Variants in CSMD1 observed in about 807,000 individuals in gnomAD.
CSMD1 encodes the protein CUB and sushi domain-containing protein 1.
Under a neutral mutation model 417.5 loss-of-function variants are expected in CSMD1, and 213 were observed. That is an observed-to-expected ratio of 0.51 (90% CI 0.46 to 0.57). The LOEUF (loss-of-function observed/expected upper bound fraction) is 0.57, where lower values mean the gene tolerates loss of function less well. Ranked by LOEUF, CSMD1 falls within the 20% of genes least tolerant of loss-of-function variation. The pLI, the probability that CSMD1 is intolerant of heterozygous loss-of-function variation, is 0.00. For synonymous variants in CSMD1, 2,862 were observed against 1,736.8 expected (o/e 1.65, Z -16.11); for missense variants, 6,923 against 4,529.7 (o/e 1.53, Z -15.17).
At chr8:4,138,577 C>G (rs1803581808) in intron 3 of CSMD1, among the ~76,000 whole-genome samples, 1 of 151,948 alleles carries the variant, frequency 6.6e-6, no homozygotes, top group East Asian at 1.9e-4. Context: ...GGATCAGATC[C>G]TAGATTCTTA....
In CSMD1 at chr8:4,485,364, G is replaced by A. The variant is rs181952468; in HGVS notation, c.303-65299C>T. Among the ~76,000 whole-genome samples, 91 of 152,216 alleles carry A rather than the reference G, an allele frequency of 6.0e-4. No individual in the cohort carries two copies. The Middle Eastern group carries it at 0.01, about 17-fold the overall frequency. On this transcript the variant is annotated intron_variant, in intron 2 of 69. Coordinates refer to ENST00000635120, the MANE Select transcript of CSMD1 (RefSeq NM_033225.6). ...GTCTTCATTTTTGTCTTTCACTTGA[G>A]TTAACACCAAATGAAACCATTGCCC...
At chr8:4,041,734 C>T (rs957355812) in intron 3 of CSMD1, among the ~76,000 whole-genome samples, 1 of 152,068 alleles carries the variant, frequency 6.6e-6, no homozygotes, top group Non-Finnish European at 1.5e-5. Context: ...GAACTGTATG[C>T]CCTGTTCTCA....
intron 29 of CSMD1, among the ~76,000 whole-genome samples, chr8:3,216,856 C>A (rs1439294188): frequency 6.6e-6 from 1 of 152,244 alleles, no homozygotes. Context: ...TCCCATCATG[C>A]CTAAGAACTG....
At chr8:4,719,648 G>C (rs1430441415) in intron 1 of CSMD1, among the ~76,000 whole-genome samples, 1 of 152,050 alleles carries the variant, frequency 6.6e-6, no homozygotes, top group East Asian at 1.9e-4. Flanking sequence ...TTGTTCAAAA[G>C]CTAAATTTCC....
intron 5 of CSMD1, among the ~76,000 whole-genome samples, chr8:3,756,566 T>C (rs898719635): frequency 6.6e-6 from 1 of 152,278 alleles, no homozygotes; most frequent in East Asian, 1.9e-4. Flanking sequence ...TAGCTAATAG[T>C]ATCCAAAGCC....
chr8:4,409,642 CTTTT>C (rs61368925), intron 3 of CSMD1, among the ~76,000 whole-genome samples: 52,324 of 141,906 alleles, frequency 0.37, 9,904 homozygotes, highest in East Asian at 0.42. Flanking sequence ...GACTTTTTTT[CTTTT>C]TTTTTTTTTT....
intron 45 of CSMD1, chr8:3,106,932 G>GA (rs138247248): frequency 1.3e-3 from 321 of 249,964 alleles, no homozygotes; most frequent in Middle Eastern, 2.5e-3. Flanking sequence ...CTGACGAAAA[G>GA]AAAAAAAAAG....
At chr8:4,742,908 A>T (rs1040508454) in intron 1 of CSMD1, among the ~76,000 whole-genome samples, 1 of 152,208 alleles carries the variant, frequency 6.6e-6, no homozygotes, top group Non-Finnish European at 1.5e-5. Flanking sequence ...GGTTAAAAAA[A>T]ATCTGAAAAT....
At chr8:4,309,512 A>T (rs1401146512) in intron 3 of CSMD1, among the ~76,000 whole-genome samples, 1 of 152,158 alleles carries the variant, frequency 6.6e-6, no homozygotes, top group Non-Finnish European at 1.5e-5. Context: ...CTAAACTAAA[A>T]GGTAAATCCT....
intron 5 of CSMD1, among the ~76,000 whole-genome samples, chr8:3,812,469 TC>T (rs1801141407): frequency 6.6e-6 from 1 of 152,134 alleles, no homozygotes; most frequent in African/African-American, 2.4e-5. Flanking sequence ...TAAGACACGA[TC>T]CCCTTGAAAT....
intron 7 of CSMD1, among the ~76,000 whole-genome samples, chr8:3,668,656 G>A (rs1209790427): frequency 6.6e-6 from 1 of 152,014 alleles, no homozygotes; most frequent in Non-Finnish European, 1.5e-5. Flanking sequence ...CAATATAGAA[G>A]CTCAGTCTGA....
chr8:4,950,349 T>G (rs1808657371), intron 1 of CSMD1, among the ~76,000 whole-genome samples: 1 of 152,140 alleles, frequency 6.6e-6, no homozygotes, highest in African/African-American at 2.4e-5. Context: ...AAAGACAGAT[T>G]TTCAAAAGTT....
At chr8:4,847,085 G>C (rs183380073) in intron 1 of CSMD1, among the ~76,000 whole-genome samples, 5 of 152,174 alleles carry the variant, frequency 3.3e-5, no homozygotes, top group African/African-American at 1.2e-4. Context: ...AGGGCACCAC[G>C]CTCTGCTCGT....
chr8:4,311,790 C>A (rs1477272648), intron 3 of CSMD1, among the ~76,000 whole-genome samples: 1 of 148,586 alleles, frequency 6.7e-6, no homozygotes, highest in Non-Finnish European at 1.5e-5. Context: ...TAGAGGGGAA[C>A]AACACACACT....
intron 2 of CSMD1, among the ~76,000 whole-genome samples, chr8:4,446,482 G>C (rs969767425): frequency 2.0e-5 from 3 of 152,174 alleles, no homozygotes; most frequent in African/African-American, 7.2e-5. Context: ...GGGAGACTGA[G>C]GCTGCAGGGA....
At chr8:4,199,012 C>G (rs1006606605) in intron 3 of CSMD1, among the ~76,000 whole-genome samples, 2 of 151,946 alleles carry the variant, frequency 1.3e-5, no homozygotes, top group Admixed American at 6.6e-5. Context: ...GAGCAAAGTT[C>G]ACTTTCAATC....
chr8:4,136,854 T>C (rs1391278498), intron 3 of CSMD1, among the ~76,000 whole-genome samples: 1 of 152,210 alleles, frequency 6.6e-6, no homozygotes, highest in Non-Finnish European at 1.5e-5. Flanking sequence ...TAGGTTTGCT[T>C]TGTGATTATT....
intron 4 of CSMD1, among the ~76,000 whole-genome samples, chr8:4,004,292 T>A (rs529808710): frequency 3.6e-4 from 55 of 152,216 alleles, no homozygotes; most frequent in Non-Finnish European, 6.8e-4. Context: ...TGAATGAAAC[T>A]TGGGAATTCT....
intron 3 of CSMD1, among the ~76,000 whole-genome samples, chr8:4,164,818 G>A (rs965786000): frequency 1.3e-5 from 2 of 151,824 alleles, no homozygotes; most frequent in Non-Finnish European, 2.9e-5. Flanking sequence ...GGAGCTTGCA[G>A]TGAGCTGACA....
Sources: allele counts gnomAD v4.1 joint callset (sites outside exome capture counted in the v4.1 genomes callset), GRCh38; gene constraint gnomAD v4.1.1; transcripts MANE v1.5; gene names NCBI Gene and HGNC (gene_info 2026-07-23, HGNC 2026-07-21).